Variants in FLVCR2 observed in about 807,000 individuals in gnomAD.
The protein encoded by FLVCR2 is FLVCR choline and putative heme transporter 2.
In FLVCR2, 38 loss-of-function variants were observed where a neutral mutation model predicts 48.9. That is an observed-to-expected ratio of 0.78 (90% CI 0.60 to 1.02). The LOEUF is 1.02. FLVCR2 is among the 50% of genes least tolerant of loss of function. The pLI, the probability that FLVCR2 is intolerant of heterozygous loss-of-function variation, is 0.00. For synonymous variants in FLVCR2, 255 were observed against 257.0 expected (o/e 0.99, Z 0.07); for missense variants, 664 against 663.3 (o/e 1.00, Z -0.01).
intron 1 of FLVCR2, among the ~76,000 whole-genome samples, chr14:75,614,969 T>G (rs1194898059): frequency 1.3e-5 from 2 of 152,192 alleles, no homozygotes; most frequent in East Asian, 3.8e-4. Flanking sequence ...ACCAGGCCCC[T>G]TCCTTGGCAC....
At chr14:75,628,506 TTTTACA>T (rs1404610753) in intron 3 of FLVCR2, among the ~76,000 whole-genome samples, 2 of 152,174 alleles carry the variant, frequency 1.3e-5, no homozygotes, top group Non-Finnish European at 2.9e-5. Flanking sequence ...GGTTCATACT[TTTTACA>T]TTGTACACAT....
In FLVCR2 at chr14:75,586,396, T is replaced by C. The variant is rs549996767; in HGVS notation, c.669+6755T>C. 3.9e-5 allele frequency among the ~76,000 whole-genome samples: 6 copies of C among 152,324 alleles called. No individual in the cohort carries two copies. In the South Asian group the frequency reaches 1.2e-3, roughly 32 times the overall value. ...ATGATGGAATGTCATCAGTTAAGGC[T>C]ATTTTCACTTTTGTGGATCTTCAGT... On this transcript the variant is annotated intron_variant, in intron 1 of 9. Coordinates refer to ENST00000238667, the MANE Select transcript of FLVCR2 (RefSeq NM_017791.3).
intron 1 of FLVCR2, among the ~76,000 whole-genome samples, chr14:75,585,023 T>C (rs1031806327): frequency 6.6e-6 from 1 of 151,724 alleles, no homozygotes; most frequent in African/African-American, 2.4e-5. Flanking sequence ...GGGGAGGTGA[T>C]AGAAAGATTA....
intron 1 of FLVCR2, among the ~76,000 whole-genome samples, chr14:75,583,231 C>T (rs1001575002): frequency 3.3e-5 from 5 of 152,112 alleles, no homozygotes; most frequent in African/African-American, 9.7e-5. Context: ...TTTGGCACCA[C>T]GGACTGGATA....
chr14:75,636,864 C>T (rs1022397636), intron 5 of FLVCR2, among the ~76,000 whole-genome samples: 10 of 152,130 alleles, frequency 6.6e-5, no homozygotes, highest in African/African-American at 2.4e-4. Context: ...CTAAACTGGT[C>T]AGTGGTTTAG....
chr14:75,598,731 C>G (rs1889087083), intron 1 of FLVCR2, among the ~76,000 whole-genome samples: 2 of 152,262 alleles, frequency 1.3e-5, no homozygotes, highest in South Asian at 4.1e-4. Context: ...CTGCCTCCGC[C>G]TCCCACAGGG....
chr14:75,633,035 A>G (rs910799485), intron 3 of FLVCR2: 2 of 697,434 alleles, frequency 2.9e-6, no homozygotes, highest in African/African-American at 3.5e-5. Context: ...CTTTCACAGC[A>G]TATTCTAGGT....
intron 9 of FLVCR2, among the ~76,000 whole-genome samples, chr14:75,645,324 T>C (rs533962900): frequency 8.5e-5 from 13 of 152,304 alleles, no homozygotes; most frequent in African/African-American, 2.9e-4. Flanking sequence ...TTGAGTAGTG[T>C]TGGCTGTGTG....
chr14:75,609,622 G>A (rs1386910974), intron 1 of FLVCR2, among the ~76,000 whole-genome samples: 1 of 152,136 alleles, frequency 6.6e-6, no homozygotes, highest in Non-Finnish European at 1.5e-5. Flanking sequence ...GAGGAACTGG[G>A]TTTTGCCCAT....
rs767704340 is a variant in FLVCR2, at chr14:75,646,502, G to A, written c.*30G>A. The stretch of plus-strand genomic sequence containing the variant: ...AAGGTGGTGACAACTCAGGGAACAC[G>A]AACACCCCACCTTTTCCTTCAGCAC... On this transcript the variant is annotated 3_prime_UTR_variant, in exon 10 of 10. Transcript: ENST00000238667. 1.0e-5 allele frequency: 15 copies of A among 1,500,668 alleles called. No homozygotes were observed. The highest frequency in any genetic ancestry group is 5.5e-5 in the African/African-American group (4 of 72,680). The allele number at this position is 1,500,668 out of a possible 1,614,324, so 93.0% of individuals were successfully genotyped here.
At chr14:75,588,487 T>C (rs1402647775) in intron 1 of FLVCR2, among the ~76,000 whole-genome samples, 2 of 152,182 alleles carry the variant, frequency 1.3e-5, no homozygotes, top group Non-Finnish European at 2.9e-5. Flanking sequence ...GTTGTTGTTA[T>C]TGTTTTTGTT....
chr14:75,588,313 G>A (rs114686957), intron 1 of FLVCR2, among the ~76,000 whole-genome samples: 1,989 of 152,276 alleles, frequency 0.013, 43 homozygotes, highest in African/African-American at 0.045. Context: ...GTTCAAGAAA[G>A]AGTACAAGAG....
intron 3 of FLVCR2, chr14:75,632,544 C>T: frequency 1.4e-6 from 1 of 690,796 alleles, no homozygotes; most frequent in Non-Finnish European, 2.6e-6. Context: ...TACCCACCTT[C>T]CCTTGCACCT....
Position 75,639,373 on chromosome 14 carries a change from T to C in FLVCR2, c.1146T>C (p.Tyr382=), listed in dbSNP as rs1890248485. The change falls in exon 6 of 10, where the codon TAT becomes TAC. Residue 382 remains tyrosine (Y), a synonymous_variant. Transcript: ENST00000238667. ...GTAGAGAGACAACCCTGGTAGTCTA[T>C]ATCATGACACTGGTGGGCATGGTGG... ...KTYKETTLVV[Y]IMTLVGMVVY... 6.2e-7 allele frequency: 1 copy of C among 1,613,694 alleles called. No homozygotes were observed. Among genetic ancestry groups the C allele is most frequent in the Non-Finnish European group, 8.5e-7 (1 of 1,179,536 alleles).
At chr14:75,613,597 G>T (rs2140029396) in intron 1 of FLVCR2, among the ~76,000 whole-genome samples, 1 of 152,088 alleles carries the variant, frequency 6.6e-6, no homozygotes, top group Admixed American at 6.5e-5. Context: ...TGTTGCCCAG[G>T]CTGGAGTGCA....
At chr14:75,583,578 G>T (rs1444020344) in intron 1 of FLVCR2, among the ~76,000 whole-genome samples, 1 of 152,124 alleles carries the variant, frequency 6.6e-6, no homozygotes, top group Non-Finnish European at 1.5e-5. Context: ...GGGGAAAAGG[G>T]CAGGAATGAG....
Position 75,641,901 on chromosome 14 carries a change from G to A in FLVCR2, c.1509+3G>A. On this transcript the variant is annotated splice_donor_region_variant and intron_variant, in intron 9 of 9. Transcript: ENST00000238667. ...CAAACAAAGAAACTCTTGAGAACGTGAGTATATGGGAGCTTTGTGGGGCTG... is the reference window on the plus strand; with the variant it reads ...CAAACAAAGAAACTCTTGAGAACGTAAGTATATGGGAGCTTTGTGGGGCTG... The A allele has an allele frequency of 1.2e-6, 2 of 1,613,752 alleles. No individual in the cohort carries two copies. Among genetic ancestry groups the A allele is most frequent in the Non-Finnish European group, 1.7e-6 (2 of 1,179,620 alleles).
Position 75,640,964 on chromosome 14 carries a change from G to T in FLVCR2, c.1245G>T (p.Met415Ile). ...FITAGTMGFF[M>I]TGYLPLGFEF... The stretch of plus-strand genomic sequence containing the variant: ...CTGGTCTGGTCTTCAGCTTCTTTAT[G>T]ACTGGCTATCTCCCACTGGGATTTG... The change falls in exon 7 of 10, where the codon ATG (methionine) becomes ATT (isoleucine). Residue 415 changes from methionine (M) to isoleucine (I), a missense_variant. Coordinates refer to ENST00000238667, the MANE Select transcript of FLVCR2 (RefSeq NM_017791.3). The T allele has an allele frequency of 6.2e-7, 1 of 1,613,314 alleles. No homozygotes were observed. The highest frequency in any genetic ancestry group is 8.5e-7 in the Non-Finnish European group (1 of 1,179,342).
chr14:75,592,576 C>A (rs1198618233), intron 1 of FLVCR2, among the ~76,000 whole-genome samples: 1 of 152,184 alleles, frequency 6.6e-6, no homozygotes, highest in South Asian at 2.1e-4. Flanking sequence ...GGCCAGGCTG[C>A]AAATTTTCTA....
Sources: gnomAD v4.1 joint callset for allele counts (sites outside exome capture counted in the v4.1 genomes callset) on GRCh38, gnomAD v4.1.1 for gene constraint, MANE v1.5 for transcripts, NCBI Gene and HGNC (gene_info 2026-07-23, HGNC 2026-07-21) for gene names.